MTAP: variants seen among roughly 807,000 people sequenced by gnomAD.
MTAP encodes the protein methylthioadenosine phosphorylase.
In MTAP, 33 loss-of-function variants were observed where a neutral mutation model predicts 33.6. The observed-to-expected ratio is 0.98, with a 90% CI of 0.74 to 1.31. The LOEUF (loss-of-function observed/expected upper bound fraction) is 1.31, where lower values mean the gene tolerates loss of function less well. Ranked by LOEUF, MTAP falls within the 40% of genes most tolerant of loss-of-function variation. The pLI is 0.00. For synonymous variants in MTAP, 148 were observed against 125.7 expected (o/e 1.18, Z -1.19); for missense variants, 367 against 360.0 (o/e 1.02, Z -0.16).
rs1825810839 is a variant in MTAP at position 21,864,189 on chromosome 9, C to T, written c.*2175C>T. On this transcript the variant is annotated 3_prime_UTR_variant, in exon 8 of 8. Transcript: ENST00000644715. ...TTGATTAAATAGCCTTCTCTAGCAA[C>T]ATCATTTTCAGACTAACTAAATGAA... is the stretch of plus-strand genomic sequence containing the variant. The T allele has an allele frequency of 2.0e-6, 2 of 985,410 alleles. No individual in the cohort carries two copies. Among genetic ancestry groups the T allele is most frequent in the Non-Finnish European group, 1.2e-6 (1 of 829,920 alleles). The allele number at this position is 985,410 out of a possible 1,614,324, so 61.0% of individuals were successfully genotyped here.
chr9:21,896,784 G>A (rs1293623962), intron 1 of MTAP, among the ~76,000 whole-genome samples: 1 of 152,160 alleles, frequency 6.6e-6, no homozygotes, highest in Admixed American at 6.5e-5. Flanking sequence ...TGGATTCACA[G>A]CCGAATTCTA....
At chr9:21,807,793 C>T (rs1021823568) in intron 1 of MTAP, among the ~76,000 whole-genome samples, 3 of 152,044 alleles carry the variant, frequency 2.0e-5, no homozygotes, top group Non-Finnish European at 4.4e-5. Context: ...TTATTTTTGC[C>T]AGGAGTGGTA....
At position 21,862,031 on chromosome 9, in the gene MTAP, AG is replaced by A. The variant is rs750844480; in HGVS notation, c.*19del. 78 of 1,612,814 alleles carry A rather than the reference AG, an allele frequency of 4.8e-5. No homozygotes were observed. The highest frequency in any genetic ancestry group is 5.8e-5 in the Non-Finnish European group (69 of 1,179,492). ...AGACATTAAAGTAGCATGGCTGCCC[AG>A]GAGAAAAGAAGACATTCTAATTCCA... On this transcript the variant is annotated 3_prime_UTR_variant, in exon 8 of 8. Coordinates refer to ENST00000644715, the MANE Select transcript of MTAP (RefSeq NM_002451.4).
rs529226542 is a variant in MTAP, at chr9:21,864,293, T to G, written c.*2279T>G. The G allele has an allele frequency of 1.4e-4, 140 of 985,422 alleles. 2 individuals are homozygous for G. In the South Asian group the frequency reaches 6.0e-3, roughly 42 times the overall value. The allele number at this position is 985,422 out of a possible 1,614,324, so 61.0% of individuals were successfully genotyped here. ...TATAATTTTCCTCATACCTTATGCTTGAGGATATTGTTGAAGAACACTTCC... is the reference window on the plus strand; with the variant it reads ...TATAATTTTCCTCATACCTTATGCTGGAGGATATTGTTGAAGAACACTTCC... On this transcript the variant is annotated 3_prime_UTR_variant, in exon 8 of 8. Transcript: ENST00000644715.
chr9:21,939,573 G>A (rs1010917534), downstream of MTAP, among the ~76,000 whole-genome samples: 2 of 152,220 alleles, frequency 1.3e-5, no homozygotes, highest in African/African-American at 4.8e-5. Context: ...ATAAGAATAT[G>A]TTCTTCTGGG....
At chr9:21,817,857 T>C (rs1451667844) in intron 3 of MTAP, among the ~76,000 whole-genome samples, 178 bp from the exon 4 acceptor site, 1 of 152,180 alleles carries the variant, frequency 6.6e-6, no homozygotes, top group East Asian at 1.9e-4. Context: ...GAGTGGCTTC[T>C]CAGAATCCAG....
intron 4 of MTAP, among the ~76,000 whole-genome samples, chr9:21,837,080 T>C (rs952990929): frequency 7.7e-4 from 118 of 152,346 alleles, no homozygotes; most frequent in African/African-American, 2.7e-3. Context: ...TGAAAACTTC[T>C]GACAAGAAAT....
At chr9:21,812,069 A>G in intron 1 of MTAP, 1 of 238,742 alleles carries the variant, frequency 4.2e-6, no homozygotes, top group Non-Finnish European at 8.3e-6. Flanking sequence ...TATTCTTGGC[A>G]TCAAAGAACT....
rs1278576995 is a variant in MTAP at position 21,866,709 on chromosome 9, T to C, written c.*4695T>C. ...ATCTTTTCCAAGATTGTTTTGGCTA[T>C]AGGTCCTTTCTTTATAAAGTTTATA... is the stretch of plus-strand genomic sequence containing the variant. On this transcript the variant is annotated 3_prime_UTR_variant, in exon 8 of 8. Transcript: ENST00000644715. 1 of 152,192 alleles carries C rather than the reference T, an allele frequency of 6.6e-6. No homozygotes were observed. 9.4% of individuals were successfully genotyped at this position (152,192 alleles called of 1,614,324 possible).
intron 5 of MTAP, among the ~76,000 whole-genome samples, chr9:21,849,210 A>G (rs529987951): frequency 1.7e-4 from 26 of 152,278 alleles, no homozygotes; most frequent in African/African-American, 6.3e-4. Flanking sequence ...ATTACCAACA[A>G]TTTATGCTGT....
chr9:21,918,047 C>T (rs1453367578), intron 1 of MTAP, among the ~76,000 whole-genome samples: 3 of 151,850 alleles, frequency 2.0e-5, no homozygotes, highest in Non-Finnish European at 1.5e-5. Flanking sequence ...TATAAGGATG[C>T]AAAGGCATAA....
chr9:21,837,518 G>C (rs1825140117), intron 4 of MTAP, among the ~76,000 whole-genome samples: 1 of 152,144 alleles, frequency 6.6e-6, no homozygotes, highest in Non-Finnish European at 1.5e-5. Flanking sequence ...TGTTGAATCT[G>C]GGTGATGTGT....
At chr9:21,814,014 C>T (rs1009430581) in intron 1 of MTAP, 1 of 152,146 alleles carries the variant, frequency 6.6e-6, no homozygotes, top group African/African-American at 2.4e-5. Flanking sequence ...AGTATGTTAA[C>T]CTGCTGTGGT....
intron 1 of MTAP, among the ~76,000 whole-genome samples, chr9:21,918,086 TCCGCC>T (rs1818720855): frequency 8.1e-6 from 1 of 122,700 alleles, no homozygotes; most frequent in African/African-American, 4.0e-5. Context: ...GCGCGGTGGC[TCCGCC>T]TGTAATCCCA....
At chr9:21,808,077 C>T (rs1443909700) in intron 1 of MTAP, among the ~76,000 whole-genome samples, 5 of 152,160 alleles carry the variant, frequency 3.3e-5, no homozygotes, top group Admixed American at 2.6e-4. Context: ...TAGGCCCCAC[C>T]CCAGTCCCAG....
At chr9:21,903,633 T>C (rs1469590580) in intron 1 of MTAP, among the ~76,000 whole-genome samples, 2 of 152,166 alleles carry the variant, frequency 1.3e-5, no homozygotes, top group Non-Finnish European at 1.5e-5. Context: ...GCTTCTCACA[T>C]TGCTGCTCCT....
At chr9:21,875,151 T>G (rs1292348479) in intron 1 of MTAP, among the ~76,000 whole-genome samples, 1 of 152,180 alleles carries the variant, frequency 6.6e-6, no homozygotes, top group African/African-American at 2.4e-5. Context: ...TGTGCATGTG[T>G]CTTTATAGTA....
chr9:21,846,491 C>T (rs951640985), intron 5 of MTAP, among the ~76,000 whole-genome samples: 1 of 151,380 alleles, frequency 6.6e-6, no homozygotes, highest in Non-Finnish European at 1.5e-5. Context: ...TGAAAAAATG[C>T]TCAAAATTAC....
At chr9:21,894,923 C>A (rs964424532) in intron 1 of MTAP, among the ~76,000 whole-genome samples, 2 of 151,994 alleles carry the variant, frequency 1.3e-5, no homozygotes, top group Non-Finnish European at 1.5e-5. Context: ...CAGTCCCATT[C>A]ACAATAGCCA....
Sources: allele counts gnomAD v4.1 joint callset (sites outside exome capture counted in the v4.1 genomes callset), GRCh38; gene constraint gnomAD v4.1.1; transcripts MANE v1.5; gene names NCBI Gene and HGNC (gene_info 2026-07-23, HGNC 2026-07-21).